The following ITGB6 variants were observed in gnomAD, a reference collection of about 807,000 sequenced individuals.
ITGB6 encodes integrin beta-6.
Under a neutral mutation model 84.5 loss-of-function variants are expected in ITGB6, and 80 were observed. The observed-to-expected ratio is 0.95, with a 90% CI of 0.79 to 1.14. The LOEUF (loss-of-function observed/expected upper bound fraction) is 1.14, where lower values mean the gene tolerates loss of function less well. Ranked by LOEUF, ITGB6 falls within the 50% of genes most tolerant of loss-of-function variation. The pLI is 0.00. For missense variants in ITGB6, 1,006 were observed against 968.0 expected, an observed-to-expected ratio of 1.04 and a Z score of -0.52; for synonymous variants, 383 against 354.9, an observed-to-expected ratio of 1.08 and a Z score of -0.89.
intron 4 of ITGB6, among the ~76,000 whole-genome samples, chr2:160,191,825 C>A (rs1686154801): frequency 2.0e-5 from 3 of 152,012 alleles, no homozygotes; most frequent in Admixed American, 2.0e-4. Context: ...TTGCAGGATA[C>A]AAAGTGAATA....
intron 4 of ITGB6, among the ~76,000 whole-genome samples, chr2:160,182,737 A>G (rs926605217): frequency 2.0e-5 from 3 of 152,258 alleles, no homozygotes; most frequent in Non-Finnish European, 2.9e-5. Flanking sequence ...AAGGGCAACC[A>G]GAGAGAAAGG....
chr2:160,197,226 G>T (rs1307438192), intron 2 of ITGB6, among the ~76,000 whole-genome samples: 3 of 152,098 alleles, frequency 2.0e-5, no homozygotes, highest in Admixed American at 2.0e-4. Flanking sequence ...AACCCGGGAG[G>T]CAGAGCTTGC....
intron 4 of ITGB6, among the ~76,000 whole-genome samples, chr2:160,184,658 C>T (rs1685821220): frequency 6.6e-6 from 1 of 152,126 alleles, no homozygotes; most frequent in African/African-American, 2.4e-5. Flanking sequence ...ATACACAAGC[C>T]TGGCAGAGAC....
Position 160,137,655 on chromosome 2 carries a change from G to A in ITGB6, c.1439C>T (p.Ala480Val), listed in dbSNP as rs775516477. Reference sequence around the variant, plus strand: ...AGGCCCCATGTGGCCAGGGTGGCAGGCACACACCCCACACTGGAAAGAGCC... The same window carrying A: ...AGGCCCCATGTGGCCAGGGTGGCAGACACACACCCCACACTGGAAAGAGCC... Reference protein sequence around the residue: ...GNGSFQCGVCACHPGHMGPRC... With the variant: ...GNGSFQCGVCVCHPGHMGPRC... The change falls in exon 10 of 15, where the codon GCC becomes GTC. Residue 480 changes from alanine to valine, a missense_variant. Ala to Val is a moderately conservative substitution (Grantham distance 64). Transcript: ENST00000283249. 6 of 1,614,170 alleles carry A rather than the reference G, an allele frequency of 3.7e-6. No individual in the cohort carries two copies. The Admixed American group carries it at 8.3e-5, about 22-fold the overall frequency.
intron 7 of ITGB6, among the ~76,000 whole-genome samples, chr2:160,159,956 A>T (rs531788975): frequency 2.0e-5 from 3 of 152,026 alleles, no homozygotes; most frequent in Admixed American, 6.6e-5. Flanking sequence ...GTCTTTTTTT[A>T]TTCTCCTCTA....
intron 8 of ITGB6, among the ~76,000 whole-genome samples, chr2:160,138,723 T>G (rs577972864): frequency 3.9e-5 from 6 of 152,364 alleles, no homozygotes; most frequent in African/African-American, 1.2e-4. Flanking sequence ...CCAATGAATA[T>G]TTGCTTCATT....
chr2:160,146,426 T>G (rs1684190564), intron 7 of ITGB6, among the ~76,000 whole-genome samples: 1 of 152,198 alleles, frequency 6.6e-6, no homozygotes, highest in Non-Finnish European at 1.5e-5. Flanking sequence ...TATTTTATGC[T>G]CACAGCACTG....
chr2:160,185,571 C>T (rs998611805), intron 4 of ITGB6, among the ~76,000 whole-genome samples: 2 of 152,172 alleles, frequency 1.3e-5, no homozygotes, highest in Non-Finnish European at 2.9e-5. Context: ...AGATTCAATG[C>T]TATCCCCATC....
intron 7 of ITGB6, among the ~76,000 whole-genome samples, chr2:160,167,986 T>A (rs6650774): frequency 0.97 from 147,068 of 152,166 alleles, 71,222 homozygotes; most frequent in East Asian, 1. Flanking sequence ...GGGGGTATTT[T>A]AAAAAAGTCT....
intron 12 of ITGB6, among the ~76,000 whole-genome samples, 164 bp from the exon 13 acceptor site, chr2:160,112,363 C>T (rs547597888): frequency 3.3e-5 from 5 of 150,954 alleles, no homozygotes; most frequent in East Asian, 1.9e-4. Flanking sequence ...GTGAGGTTTT[C>T]GTTTTCACTC....
At chr2:160,102,962 T>C (rs2105767390) in intron 14 of ITGB6, among the ~76,000 whole-genome samples, 1 of 152,344 alleles carries the variant, frequency 6.6e-6, no homozygotes, top group South Asian at 2.1e-4. Context: ...TTCCTATTTA[T>C]AGCTTTTCTT....
intron 10 of ITGB6, among the ~76,000 whole-genome samples, chr2:160,127,946 G>A (rs952120405): frequency 8.5e-5 from 13 of 152,142 alleles, no homozygotes; most frequent in African/African-American, 2.4e-4. Flanking sequence ...TCCAATGCTT[G>A]TGACTGGATG....
rs573639095 is a variant in ITGB6 at position 160,176,048 on chromosome 2, C to G, written c.594-1909G>C. ...GTGAGTATCATCATTTTCTTCCTAT[C>G]AGTAGACTTTCCTTGAAAGCAGGTG... On this transcript the variant is annotated intron_variant, in intron 4 of 14. Transcript: ENST00000283249. Among the ~76,000 whole-genome samples, 5 of 152,270 alleles carry G rather than the reference C, an allele frequency of 3.3e-5. No homozygotes were observed. In the East Asian group the frequency reaches 7.7e-4, roughly 23 times the overall value.
chr2:160,166,737 A>G (rs1190969903), intron 7 of ITGB6, among the ~76,000 whole-genome samples: 2 of 152,216 alleles, frequency 1.3e-5, no homozygotes, highest in Admixed American at 1.3e-4. Context: ...AACTATTCAT[A>G]ATAATAAGTT....
At chr2:160,137,268 C>A (rs2105817847) in intron 10 of ITGB6, among the ~76,000 whole-genome samples, 166 bp downstream of exon 10, 1 of 152,144 alleles carries the variant, frequency 6.6e-6, no homozygotes, top group South Asian at 2.1e-4. Flanking sequence ...AATGTTAGAG[C>A]CAGAAAACCT....
chr2:160,167,656 G>A (rs974133930), intron 7 of ITGB6, among the ~76,000 whole-genome samples: 2 of 152,190 alleles, frequency 1.3e-5, no homozygotes, highest in African/African-American at 4.8e-5. Context: ...GGGGAATCAT[G>A]GATGCAACTA....
chr2:160,124,212 C>A (rs1450543154), intron 11 of ITGB6, among the ~76,000 whole-genome samples: 1 of 152,186 alleles, frequency 6.6e-6, no homozygotes, highest in Non-Finnish European at 1.5e-5. Context: ...TTTTCATTTA[C>A]TTTTTCCTAC....
intron 7 of ITGB6, among the ~76,000 whole-genome samples, chr2:160,149,204 C>T (rs1485394845): frequency 2.0e-5 from 3 of 152,230 alleles, no homozygotes; most frequent in Non-Finnish European, 4.4e-5. Context: ...TAGGGGCCGA[C>T]AGACACCTCA....
At chr2:160,156,283 A>G (rs949437491) in intron 7 of ITGB6, among the ~76,000 whole-genome samples, 4 of 152,046 alleles carry the variant, frequency 2.6e-5, no homozygotes, top group Non-Finnish European at 5.9e-5. Context: ...TAGACCCAGC[A>G]GACTCCTTGG....
Sources: gnomAD v4.1 joint callset for allele counts (sites outside exome capture counted in the v4.1 genomes callset) on GRCh38, gnomAD v4.1.1 for gene constraint, MANE v1.5 for transcripts, NCBI Gene and HGNC (gene_info 2026-07-23, HGNC 2026-07-21) for gene names.